CSNK2A2IP: variants seen among roughly 807,000 people sequenced by gnomAD.
The protein encoded by CSNK2A2IP is casein kinase II subunit alpha'-interacting protein.
the CSNK2A2IP span, among the ~76,000 whole-genome samples, chr3:88,419,720 G>A: frequency 6.6e-6 from 1 of 151,924 alleles, no homozygotes; most frequent in Non-Finnish European, 1.5e-5. Context: ...TTAGGCATTT[G>A]GTTCATTATT....
chr3:88,448,773 G>T, the CSNK2A2IP span, among the ~76,000 whole-genome samples: 1 of 152,134 alleles, frequency 6.6e-6, no homozygotes, highest in Non-Finnish European at 1.5e-5. Context: ...CAAGTCTGAG[G>T]TTTTGCCTGG....
the CSNK2A2IP span, among the ~76,000 whole-genome samples, chr3:88,458,950 T>C: frequency 6.6e-6 from 1 of 152,178 alleles, no homozygotes; most frequent in Non-Finnish European, 1.5e-5. Context: ...AAAAGAACAA[T>C]TTGGAGTTGA....
chr3:88,375,732 T>C, the CSNK2A2IP span, among the ~76,000 whole-genome samples: 1 of 151,926 alleles, frequency 6.6e-6, no homozygotes, highest in East Asian at 1.9e-4. Context: ...GATGTTACTC[T>C]ATATTCAATA....
the CSNK2A2IP span, among the ~76,000 whole-genome samples, chr3:88,396,033 G>C: frequency 2.6e-5 from 4 of 151,256 alleles, no homozygotes; most frequent in African/African-American, 9.7e-5. Context: ...ATGAGTTTAC[G>C]ATCTAGGAGA....
At chr3:88,419,280 C>A in the CSNK2A2IP span, among the ~76,000 whole-genome samples, 17 of 152,226 alleles carry the variant, frequency 1.1e-4, no homozygotes, top group Admixed American at 1.0e-3. Context: ...TCCCTGGTGC[C>A]AAAAGGGCAC....
At chr3:88,367,662 T>C in the CSNK2A2IP span, among the ~76,000 whole-genome samples, 1 of 152,054 alleles carries the variant, frequency 6.6e-6, no homozygotes, top group Admixed American at 6.6e-5. Context: ...AACAGGTTAA[T>C]GCAAGCCGTT....
chr3:88,424,867 A>G, the CSNK2A2IP span, among the ~76,000 whole-genome samples: 1 of 152,052 alleles, frequency 6.6e-6, no homozygotes, highest in African/African-American at 2.4e-5. Flanking sequence ...TAATTATATA[A>G]TATTTTAAGA....
chr3:88,443,734 T>C, the CSNK2A2IP span, among the ~76,000 whole-genome samples: 1 of 152,186 alleles, frequency 6.6e-6, no homozygotes, highest in Non-Finnish European at 1.5e-5. Flanking sequence ...TCATTAATGT[T>C]AATATCTACT....
the CSNK2A2IP span, among the ~76,000 whole-genome samples, chr3:88,449,820 G>GACACACACACAC: frequency 0.022 from 1,056 of 46,942 alleles, 26 homozygotes; most frequent in African/African-American, 0.052. Flanking sequence ...TTTATATCGA[G>GACACACACACAC]ACACACACAC....
chr3:88,410,357 A>G, the CSNK2A2IP span, among the ~76,000 whole-genome samples: 1 of 152,024 alleles, frequency 6.6e-6, no homozygotes, highest in South Asian at 2.1e-4. Flanking sequence ...AAGGTATGTG[A>G]CAACCTGCAT....
the CSNK2A2IP span, among the ~76,000 whole-genome samples, chr3:88,360,488 CT>C: frequency 0.013 from 2,019 of 151,822 alleles, 28 homozygotes; most frequent in African/African-American, 0.029. Context: ...TACTTATGCT[CT>C]TTTTTTTGGT....
At chr3:88,396,104 CTTTTTTTTTT>C in the CSNK2A2IP span, among the ~76,000 whole-genome samples, 5 of 115,334 alleles carry the variant, frequency 4.3e-5, no homozygotes, top group South Asian at 1.5e-3. Flanking sequence ...CTACCTACTT[CTTTTTTTTTT>C]TTTTTTTTTT....
the CSNK2A2IP span, among the ~76,000 whole-genome samples, chr3:88,379,238 G>T: frequency 6.6e-6 from 1 of 151,958 alleles, no homozygotes; most frequent in South Asian, 2.1e-4. Flanking sequence ...AGACCTTTGT[G>T]ACATTTGTTT....
the CSNK2A2IP span, among the ~76,000 whole-genome samples, chr3:88,338,982 G>A: frequency 6.6e-6 from 1 of 151,958 alleles, no homozygotes; most frequent in Non-Finnish European, 1.5e-5. Flanking sequence ...ATGTTTAGAT[G>A]CAGGCATACA....
the CSNK2A2IP span, among the ~76,000 whole-genome samples, chr3:88,362,475 C>T: frequency 6.6e-6 from 1 of 152,116 alleles, no homozygotes; most frequent in Non-Finnish European, 1.5e-5. Flanking sequence ...GGAGACTTTC[C>T]CTGCACTGAG....
chr3:88,421,980 T>G, the CSNK2A2IP span, among the ~76,000 whole-genome samples: 1 of 152,200 alleles, frequency 6.6e-6, no homozygotes, highest in Admixed American at 6.5e-5. Flanking sequence ...ACAGCTACAC[T>G]ATGAATCTAT....
At chr3:88,448,566 A>G in the CSNK2A2IP span, among the ~76,000 whole-genome samples, 1 of 152,164 alleles carries the variant, frequency 6.6e-6, no homozygotes, top group Non-Finnish European at 1.5e-5. Flanking sequence ...ATGTATTGCT[A>G]TAGTCTGAAA....
At chr3:88,390,985 G>A in the CSNK2A2IP span, among the ~76,000 whole-genome samples, 1 of 152,160 alleles carries the variant, frequency 6.6e-6, no homozygotes, top group African/African-American at 2.4e-5. Flanking sequence ...TTGTGTTCTA[G>A]AATCAAACTT....
the CSNK2A2IP span, among the ~76,000 whole-genome samples, chr3:88,451,094 T>C: frequency 0.37 from 56,377 of 151,748 alleles, 10,949 homozygotes; most frequent in East Asian, 0.69. Context: ...AAAATATTTA[T>C]TATTTATTGA....
Sources: gnomAD v4.1 joint callset for allele counts (sites outside exome capture counted in the v4.1 genomes callset) on GRCh38, gnomAD v4.1.1 for gene constraint, MANE v1.5 for transcripts, NCBI Gene and HGNC (gene_info 2026-07-23, HGNC 2026-07-21) for gene names.